Variants in PDGFRA observed in about 807,000 individuals in gnomAD.
PDGFRA encodes the protein platelet-derived growth factor receptor alpha.
PDGFRA carries 25 observed loss-of-function variants against 121.5 expected under a neutral mutation model. The ratio of observed to expected loss-of-function variants is 0.21; its 90% confidence interval spans 0.15 to 0.29. The LOEUF (loss-of-function observed/expected upper bound fraction) is 0.29, where lower values mean the gene tolerates loss of function less well. Among genes scored for constraint, PDGFRA ranks in the 10% least tolerant of loss-of-function variants. PDGFRA has a pLI of 1.00. For synonymous variants in PDGFRA, 463 were observed against 494.8 expected, an observed-to-expected ratio of 0.94 and a Z score of 0.85; for missense variants, 1,008 against 1,345.1, an observed-to-expected ratio of 0.75 and a Z score of 3.92.
At chr4:54,248,596 C>G (rs1194554949) in intron 1 of PDGFRA, among the ~76,000 whole-genome samples, 6 of 152,132 alleles carry the variant, frequency 3.9e-5, no homozygotes, top group African/African-American at 1.4e-4. Context: ...AACGTTAGAC[C>G]TAAAACCATA....
intron 1 of PDGFRA, chr4:54,240,240 T>C (rs1055231871): frequency 5.7e-6 from 1 of 176,984 alleles, no homozygotes; most frequent in South Asian, 9.0e-5. Context: ...TTGCCTTGGC[T>C]ATTTGGCAAC....
chr4:54,232,444 C>A (rs1191830875), intron 1 of PDGFRA, among the ~76,000 whole-genome samples: 1 of 152,220 alleles, frequency 6.6e-6, no homozygotes, highest in East Asian at 1.9e-4. Context: ...ATGGGAAACC[C>A]GACTTGGGGC....
chr4:54,249,332 C>G (rs1231592827), intron 1 of PDGFRA, among the ~76,000 whole-genome samples: 4 of 152,144 alleles, frequency 2.6e-5, no homozygotes, highest in Non-Finnish European at 5.9e-5. Flanking sequence ...GACACATGCA[C>G]ACGTATGTTT....
rs555730246 is a variant in PDGFRA, at chr4:54,244,622, A to G, written c.-12-14135A>G. 1.5e-3 allele frequency among the ~76,000 whole-genome samples: 233 copies of G among 152,300 alleles called. 5 individuals carry two copies. Among genetic ancestry groups the G allele is most frequent in the Non-Finnish European group, 5.7e-4 (39 of 68,020 alleles). On this transcript the variant is annotated intron_variant, in intron 1 of 22. Coordinates refer to ENST00000257290, the MANE Select transcript of PDGFRA (RefSeq NM_006206.6). ...ATAAAACCACAAAGATGGGGAAAAA[A>G]CAGAGCAGAAAAACTGGAAACTCTG...
chr4:54,260,627 C>T (rs111670212), intron 2 of PDGFRA, among the ~76,000 whole-genome samples: 5,861 of 151,772 alleles, frequency 0.039, 189 homozygotes, highest in African/African-American at 0.093. Flanking sequence ...AGGCTGGTCT[C>T]GAACTCCTGA....
intron 1 of PDGFRA, among the ~76,000 whole-genome samples, chr4:54,255,631 G>A (rs1481101532): frequency 2.0e-5 from 3 of 151,232 alleles, no homozygotes; most frequent in African/African-American, 7.3e-5. Flanking sequence ...TCAGCCTCCT[G>A]AGTAGCGGGG....
At chr4:54,273,874 C>T in intron 10 of PDGFRA, 144 bp downstream of exon 10, 1 of 718,010 alleles carries the variant, frequency 1.4e-6, no homozygotes, top group Middle Eastern at 3.8e-4. Flanking sequence ...TCATGTGGGA[C>T]TTTGTTTTAT....
intron 1 of PDGFRA, chr4:54,229,946 A>AGAGGGGAGCGTG (rs758651393): frequency 2.9e-5 from 2 of 70,002 alleles, no homozygotes; most frequent in Non-Finnish European, 5.6e-5. Context: ...GGAGGTGGGG[A>AGAGGGGAGCGTG]GAGGGGAGCG....
rs1322965586 is a variant in PDGFRA, at chr4:54,285,350, C to A, written c.2324-21C>A. ...TTCCTGCTGCCTGCCAGCACCAATACATTTAATTTCTTTTCTGCAGACTCA... is the reference window on the plus strand; with the variant it reads ...TTCCTGCTGCCTGCCAGCACCAATAAATTTAATTTCTTTTCTGCAGACTCA... On this transcript the variant is annotated intron_variant, in intron 16 of 22. Transcript: ENST00000257290. The A allele has an allele frequency of 7.6e-6, 7 of 917,734 alleles. No individual in the cohort carries two copies. The Admixed American group carries it at 1.2e-4, about 16-fold the overall frequency. The allele number at this position is 917,734 out of a possible 1,614,324, so 56.8% of individuals were successfully genotyped here.
chr4:54,254,637 A>G (rs1201808165), intron 1 of PDGFRA, among the ~76,000 whole-genome samples: 1 of 152,212 alleles, frequency 6.6e-6, no homozygotes, highest in Non-Finnish European at 1.5e-5. Flanking sequence ...AAAAGCCACG[A>G]CGACATCAAG....
chr4:54,254,959 G>C (rs962724906), intron 1 of PDGFRA, among the ~76,000 whole-genome samples: 4 of 152,204 alleles, frequency 2.6e-5, no homozygotes, highest in East Asian at 1.9e-4. Context: ...AGGAAATTGT[G>C]GGGGAGGGAC....
At chr4:54,253,960 C>T (rs1371132140) in intron 1 of PDGFRA, among the ~76,000 whole-genome samples, 3 of 152,218 alleles carry the variant, frequency 2.0e-5, no homozygotes, top group African/African-American at 7.2e-5. Flanking sequence ...GCTGGAATTA[C>T]AGGAGTGAGC....
At position 54,287,535 on chromosome 4, in the gene PDGFRA, TC is replaced by T; in HGVS notation, c.2671del (p.Gly892ValfsTer8). 7.9e-7 allele frequency: 1 copy of T among 1,259,878 alleles called. No homozygotes were observed. The highest frequency in any genetic ancestry group is 1.2e-6 in the Non-Finnish European group (1 of 856,372). The allele number at this position is 1,259,878 out of a possible 1,614,324, so 78.0% of individuals were successfully genotyped here. A position where few individuals can be genotyped will look rare whatever the true frequency, so the allele number is the denominator to read the frequency against. ...TGGCATTCTGCTCTGGGAGATCTTT[TC>T]CCTTGGTATGGGCCTGACATTGCTG... The part of the protein sequence containing the change: ...SYGILLWEIF[S>X]LGGTPYPGMM... On this transcript the variant is annotated frameshift_variant, in exon 19 of 23. Transcript: ENST00000257290. LOFTEE classifies it high-confidence loss of function.
chr4:54,292,660 C>T (rs987787022), intron 22 of PDGFRA, among the ~76,000 whole-genome samples: 2 of 151,456 alleles, frequency 1.3e-5, no homozygotes, highest in Non-Finnish European at 1.5e-5. Flanking sequence ...GCATATGTAC[C>T]CCTGAACTTA....
intron 9 of PDGFRA, 101 bp from the exon 10 acceptor site, chr4:54,273,436 C>T: frequency 4.4e-6 from 4 of 907,738 alleles, no homozygotes; most frequent in Middle Eastern, 2.6e-4. Flanking sequence ...GAAATGCAGA[C>T]AAGGTCCCAA....
chr4:54,238,383 C>G (rs1721123217), intron 1 of PDGFRA, among the ~76,000 whole-genome samples: 1 of 152,198 alleles, frequency 6.6e-6, no homozygotes, highest in Non-Finnish European at 1.5e-5. Flanking sequence ...GAATTTCTCT[C>G]TCACTCTTTC....
At chr4:54,243,722 T>A (rs1721440270) in intron 1 of PDGFRA, 1 of 152,736 alleles carries the variant, frequency 6.5e-6, no homozygotes, top group South Asian at 2.1e-4. Flanking sequence ...CGCAGGACAG[T>A]GGGTGCAGCG....
At chr4:54,265,744 A>G (rs531907436) in intron 5 of PDGFRA, among the ~76,000 whole-genome samples, 1 of 152,184 alleles carries the variant, frequency 6.6e-6, no homozygotes, top group Non-Finnish European at 1.5e-5. Context: ...ATTCTAATGC[A>G]TTGTCACTAA....
At chr4:54,236,444 T>C (rs1019947755) in intron 1 of PDGFRA, among the ~76,000 whole-genome samples, 12 of 152,232 alleles carry the variant, frequency 7.9e-5, no homozygotes, top group African/African-American at 2.9e-4. Flanking sequence ...ATTACCTCCC[T>C]GTGGGGCAAG....
Sources: allele counts gnomAD v4.1 joint callset (sites outside exome capture counted in the v4.1 genomes callset), GRCh38; gene constraint gnomAD v4.1.1; transcripts MANE v1.5; gene names NCBI Gene and HGNC (gene_info 2026-07-23, HGNC 2026-07-21).